The following ZPBP variants were observed in gnomAD, a reference collection of about 807,000 sequenced individuals.
ZPBP encodes zona pellucida binding protein.
A neutral mutation model predicts 44.8 loss-of-function variants in ZPBP; 26 were observed. That is an observed-to-expected ratio of 0.58 (90% CI 0.43 to 0.81). ZPBP has a LOEUF of 0.81. ZPBP is among the 30% of genes least tolerant of loss of function. The pLI is 0.00. For synonymous variants in ZPBP, 174 were observed against 153.2 expected, an observed-to-expected ratio of 1.14 and a Z score of -1.00; for missense variants, 409 against 434.0, an observed-to-expected ratio of 0.94 and a Z score of 0.51.
chr7:49,844,265 G>A, the ZPBP span, among the ~76,000 whole-genome samples: 3 of 152,316 alleles, frequency 2.0e-5, no homozygotes, highest in South Asian at 2.1e-4. Flanking sequence ...CCTGAAGGGC[G>A]TCGATTCTAT....
At position 50,058,256 on chromosome 7, in the gene ZPBP, G is replaced by C. The variant is rs1437836804; in HGVS notation, c.335-115C>G. ...TACCAACACAGTCAATGAAAGGAGT[G>C]GGGGGCATAGCTAGGACATTACATC... On this transcript the variant is annotated intron_variant, in intron 3 of 7. Transcript: ENST00000046087. 1.6e-5 allele frequency: 17 copies of C among 1,088,660 alleles called. 1 individual carries two copies. The highest frequency in any genetic ancestry group is 5.4e-5 in the Admixed American group (3 of 55,382). The allele number at this position is 1,088,660 out of a possible 1,614,324, so 67.4% of individuals were successfully genotyped here.
chr7:49,921,522 C>T (rs1295548284), intron 1 of ZPBP: 1 of 152,184 alleles, frequency 6.6e-6, no homozygotes, highest in Non-Finnish European at 1.5e-5. Flanking sequence ...ACGTTACCTA[C>T]CTCTCTGTAA....
intron 1 of ZPBP, among the ~76,000 whole-genome samples, chr7:50,092,148 A>G (rs1189557010): frequency 6.6e-6 from 1 of 152,168 alleles, no homozygotes; most frequent in Non-Finnish European, 1.5e-5. Flanking sequence ...TCACCAGGTA[A>G]AAATTTAAAA....
chr7:49,964,765 T>G (rs2128766494), intron 7 of ZPBP, among the ~76,000 whole-genome samples: 1 of 152,244 alleles, frequency 6.6e-6, no homozygotes, highest in Non-Finnish European at 1.5e-5. Flanking sequence ...ATTCTACACA[T>G]TCTTACAATG....
downstream of ZPBP, among the ~76,000 whole-genome samples, chr7:49,934,686 T>G (rs1310846594): frequency 6.6e-6 from 1 of 152,180 alleles, no homozygotes; most frequent in Non-Finnish European, 1.5e-5. Context: ...TTCATTATTA[T>G]ATATAATACA....
At chr7:49,945,196 G>A (rs143191314) in intron 7 of ZPBP, among the ~76,000 whole-genome samples, 185 of 152,140 alleles carry the variant, frequency 1.2e-3, no homozygotes, top group African/African-American at 4.3e-3. Context: ...ATTCCATTGT[G>A]GTCAGAGAAG....
chr7:49,944,110 G>T, intron 7 of ZPBP: 2 of 232,868 alleles, frequency 8.6e-6, no homozygotes, highest in South Asian at 1.2e-4. Flanking sequence ...TTTGTTTCAT[G>T]ACAACTGTGT....
intron 6 of ZPBP, among the ~76,000 whole-genome samples, chr7:50,008,988 C>G (rs889664185): frequency 7.2e-5 from 11 of 152,004 alleles, no homozygotes; most frequent in African/African-American, 2.7e-4. Context: ...AATCTCAGTA[C>G]TTTGGGAGGC....
rs71018432 is a variant in ZPBP, at chr7:49,875,369, CAAAAA to C, written n.510-24860_510-24856del. ...TGGGTAACAGAGTGAGATTCTGACT[CAAAAA>C]AAAAAAAAAAAAAAAAAAAAAAACA... On this transcript the variant is annotated intron_variant and non_coding_transcript_variant, in intron 2 of 2. Transcript: ENST00000465922. 1.0e-3 allele frequency among the ~76,000 whole-genome samples: 19 copies of C among 19,012 alleles called. 1 individual carries two copies. The highest frequency in any genetic ancestry group is 2.5e-3 in the African/African-American group (11 of 4,456). The allele number at this position is 19,012 out of a possible 152,430, so 12.5% of individuals were successfully genotyped here.
intron 1 of ZPBP, among the ~76,000 whole-genome samples, chr7:49,929,511 T>C (rs1794375128): frequency 6.6e-6 from 1 of 152,130 alleles, no homozygotes; most frequent in Non-Finnish European, 1.5e-5. Flanking sequence ...CCACACAGGA[T>C]AGAACCAGGG....
At chr7:49,854,028 T>C (rs1008433892) in intron 2 of ZPBP, among the ~76,000 whole-genome samples, 1 of 151,886 alleles carries the variant, frequency 6.6e-6, no homozygotes, top group African/African-American at 2.4e-5. Context: ...TCCATGTCCC[T>C]GCAAAGGACA....
chr7:50,014,144 C>T (rs932352278), intron 6 of ZPBP, among the ~76,000 whole-genome samples: 5 of 152,028 alleles, frequency 3.3e-5, no homozygotes, highest in African/African-American at 1.2e-4. Flanking sequence ...GTAGCATTTT[C>T]ATGTACTGGA....
intron 4 of ZPBP, among the ~76,000 whole-genome samples, chr7:50,048,690 G>A (rs182263617): frequency 2.0e-4 from 30 of 152,018 alleles, no homozygotes; most frequent in South Asian, 1.2e-3. Flanking sequence ...AAGACAGCAC[G>A]TAGAGGGAAA....
chr7:49,998,915 C>T (rs945821761), intron 6 of ZPBP, among the ~76,000 whole-genome samples: 1 of 152,122 alleles, frequency 6.6e-6, no homozygotes, highest in Non-Finnish European at 1.5e-5. Context: ...CACAAACACA[C>T]ACACACAGGT....
chr7:49,967,731 A>T (rs1010379780), intron 7 of ZPBP, among the ~76,000 whole-genome samples: 30 of 152,234 alleles, frequency 2.0e-4, no homozygotes, highest in African/African-American at 7.0e-4. Flanking sequence ...TTTTTAGTAG[A>T]GATGGGGTTT....
chr7:49,938,780 G>A (rs970818816), intron 7 of ZPBP, among the ~76,000 whole-genome samples: 2 of 152,102 alleles, frequency 1.3e-5, no homozygotes, highest in Non-Finnish European at 2.9e-5. Flanking sequence ...TCTATGGAAT[G>A]TTTATTATGG....
At chr7:50,091,664 CA>C (rs1168068764) in intron 1 of ZPBP, among the ~76,000 whole-genome samples, 1 of 152,162 alleles carries the variant, frequency 6.6e-6, no homozygotes, top group African/African-American at 2.4e-5. Context: ...GTTAACTTAT[CA>C]AGAATCAGTA....
intron 2 of ZPBP, among the ~76,000 whole-genome samples, chr7:49,887,895 T>C (rs1479063664): frequency 2.6e-5 from 4 of 152,244 alleles, no homozygotes; most frequent in Admixed American, 2.0e-4. Context: ...GTTTCTTCCT[T>C]GCGTTGTATT....
chr7:50,078,195 A>G (rs1478229812), intron 3 of ZPBP, among the ~76,000 whole-genome samples: 3 of 151,662 alleles, frequency 2.0e-5, no homozygotes, highest in African/African-American at 7.3e-5. Context: ...AATCAAATCA[A>G]TTGAACTCAT....
Sources: allele counts gnomAD v4.1 joint callset (sites outside exome capture counted in the v4.1 genomes callset), GRCh38; gene constraint gnomAD v4.1.1; transcripts MANE v1.5; gene names NCBI Gene and HGNC (gene_info 2026-07-23, HGNC 2026-07-21).